The following SERPINB5 variants were observed in gnomAD, a reference collection of about 807,000 sequenced individuals.
SERPINB5 encodes the protein serpin B5.
SERPINB5 carries 27 observed loss-of-function variants against 32.2 expected under a neutral mutation model. The observed-to-expected ratio is 0.84, with a 90% CI of 0.62 to 1.16. SERPINB5 has a LOEUF of 1.16. Ranked by LOEUF, SERPINB5 falls within the 50% of genes most tolerant of loss-of-function variation. The probability of loss-of-function intolerance (pLI) is 0.00; values close to 1 mark genes in which losing one functional copy is unlikely to be tolerated. For missense variants in SERPINB5, 388 were observed against 436.3 expected, an observed-to-expected ratio of 0.89 and a Z score of 0.99; for synonymous variants, 154 against 157.4, an observed-to-expected ratio of 0.98 and a Z score of 0.16.
intron 2 of SERPINB5, among the ~76,000 whole-genome samples, chr18:63,484,801 G>A (rs570154109): frequency 1.5e-5 from 2 of 130,450 alleles, no homozygotes; most frequent in East Asian, 4.7e-4. Flanking sequence ...ATGCTGGAGT[G>A]CAGTGGTGCG....
chr18:63,501,366 C>T (rs1160082141), intron 6 of SERPINB5, among the ~76,000 whole-genome samples: 1 of 152,096 alleles, frequency 6.6e-6, no homozygotes, highest in Non-Finnish European at 1.5e-5. Context: ...CTACAAAGGA[C>T]ACGAACTCAT....
At chr18:63,494,853 C>T (rs2144504928) in intron 5 of SERPINB5, among the ~76,000 whole-genome samples, 1 of 152,318 alleles carries the variant, frequency 6.6e-6, no homozygotes. Flanking sequence ...GCCTTATTCA[C>T]CTCAGTGTCT....
chr18:63,492,947 TTGC>T lies in SERPINB5; in HGVS notation c.425-5_425-3del. Reference sequence around the variant, plus strand: ...TGCTACTTGTGTTTTCCTAAAATTGTTGCAGGCCACTTTGAGAACATTTTAGCT... The same window carrying T: ...TGCTACTTGTGTTTTCCTAAAATTGTAGGCCACTTTGAGAACATTTTAGCT... On this transcript the variant is annotated splice_region_variant and splice_polypyrimidine_tract_variant and intron_variant, in intron 4 of 6. Coordinates refer to ENST00000382771, the MANE Select transcript of SERPINB5 (RefSeq NM_002639.5). The T allele has an allele frequency of 6.2e-7, 1 of 1,605,602 alleles. No homozygotes were observed. The highest frequency in any genetic ancestry group is 8.5e-7 in the Non-Finnish European group (1 of 1,175,280).
intron 1 of SERPINB5, among the ~76,000 whole-genome samples, chr18:63,479,289 C>T (rs1449343915): frequency 6.6e-6 from 1 of 152,194 alleles, no homozygotes; most frequent in East Asian, 1.9e-4. Flanking sequence ...ATCCTACCCA[C>T]AGGACTTTTT....
rs766152603 is a variant in SERPINB5, at chr18:63,486,946, G to A, written c.169G>A (p.Val57Ile). 1.2e-6 allele frequency: 2 copies of A among 1,613,846 alleles called. No homozygotes were observed. The highest frequency in any genetic ancestry group is 8.5e-7 in the Non-Finnish European group (1 of 1,179,870). Residue 57 changes from valine to isoleucine, a missense_variant and splice_region_variant, in exon 3 of 7, where the codon GTT becomes ATT. Physicochemically the swap from Val to Ile is conservative, Grantham distance 29. Transcript: ENST00000382771. ...KGDTANEIGQ[V>I]LHFENVKDVP... ...GGGTAACGGATTTTTCTCTTAACAG[G>A]TTCTTCATTTTGAAAATGTCAAAGA...
chr18:63,481,432 T>G (rs1424186988), intron 1 of SERPINB5, among the ~76,000 whole-genome samples: 1 of 152,240 alleles, frequency 6.6e-6, no homozygotes, highest in South Asian at 2.1e-4. Flanking sequence ...TTATTCTAGT[T>G]TCTCTTGGAG....
rs1325841522 is a variant in SERPINB5 at position 63,504,367 on chromosome 18, C to T, written c.*645C>T. 1 of 152,172 alleles carries T rather than the reference C, an allele frequency of 6.6e-6. No homozygotes were observed. Among genetic ancestry groups the T allele is most frequent in the African/African-American group, 2.4e-5 (1 of 41,424 alleles). The allele number at this position is 152,172 out of a possible 1,614,324, so 9.4% of individuals were successfully genotyped here. A position where few individuals can be genotyped will look rare whatever the true frequency, so the allele number is the denominator to read the frequency against. On this transcript the variant is annotated 3_prime_UTR_variant, in exon 7 of 7. Coordinates refer to ENST00000382771, the MANE Select transcript of SERPINB5 (RefSeq NM_002639.5). ...TGGGGCAGCACCCTATAAATCAACA[C>T]CTTAATATGCTGCAACAAAATGTAG...
intron 2 of SERPINB5, chr18:63,485,507 T>TA (rs1347792604): frequency 6.6e-6 from 1 of 152,206 alleles, no homozygotes; most frequent in African/African-American, 2.4e-5. Flanking sequence ...GATGAAGAAT[T>TA]TACACTTGGG....
chr18:63,494,660 T>C (rs1042174927), intron 5 of SERPINB5, among the ~76,000 whole-genome samples: 1 of 152,224 alleles, frequency 6.6e-6, no homozygotes, highest in African/African-American at 2.4e-5. Flanking sequence ...GGAAAAGCCC[T>C]GCAAGATACA....
chr18:63,500,874 T>G (rs950314713), intron 6 of SERPINB5, among the ~76,000 whole-genome samples: 1 of 151,660 alleles, frequency 6.6e-6, no homozygotes, highest in Admixed American at 6.6e-5. Flanking sequence ...TTCCTGTCCT[T>G]CTTCTTCTTT....
intron 1 of SERPINB5, among the ~76,000 whole-genome samples, chr18:63,478,980 G>A (rs1417082165): frequency 1.3e-5 from 2 of 151,968 alleles, no homozygotes; most frequent in African/African-American, 2.4e-5. Context: ...GGCTGGTCTC[G>A]AACTCCTGAC....
chr18:63,491,949 A>G (rs941947985), intron 4 of SERPINB5, among the ~76,000 whole-genome samples: 3 of 152,220 alleles, frequency 2.0e-5, no homozygotes, highest in Non-Finnish European at 4.4e-5. Context: ...TCCAGGGCAA[A>G]AGTAAAAATG....
intron 5 of SERPINB5, among the ~76,000 whole-genome samples, chr18:63,494,935 A>G (rs946216425): frequency 6.6e-6 from 1 of 152,230 alleles, no homozygotes; most frequent in African/African-American, 2.4e-5. Flanking sequence ...ATCAGTCCCT[A>G]AGGGTCAGTT....
chr18:63,479,462 CCT>C (rs749993768), intron 1 of SERPINB5, among the ~76,000 whole-genome samples: 1 of 152,160 alleles, frequency 6.6e-6, no homozygotes, highest in Non-Finnish European at 1.5e-5. Context: ...TTCACTGGGG[CCT>C]CTCTGAATTG....
intron 5 of SERPINB5, among the ~76,000 whole-genome samples, chr18:63,497,961 T>C (rs1268613588): frequency 6.6e-6 from 1 of 152,220 alleles, no homozygotes; most frequent in Admixed American, 6.5e-5. Context: ...ATTTAGACTT[T>C]GTTAATTAGC....
chr18:63,482,578 C>T (rs2144493672), intron 1 of SERPINB5, among the ~76,000 whole-genome samples: 1 of 152,212 alleles, frequency 6.6e-6, no homozygotes, highest in East Asian at 1.9e-4. Context: ...AAAGGGAAGC[C>T]CTGACTGCCT....
At chr18:63,494,805 C>T (rs879313620) in intron 5 of SERPINB5, among the ~76,000 whole-genome samples, 2 of 152,174 alleles carry the variant, frequency 1.3e-5, no homozygotes, top group Admixed American at 6.5e-5. Context: ...TTACATAGAT[C>T]CCCTACTAGC....
At chr18:63,484,160 G>A (rs558653120) in intron 1 of SERPINB5, among the ~76,000 whole-genome samples, 6 of 152,278 alleles carry the variant, frequency 3.9e-5, no homozygotes, top group East Asian at 1.9e-4. Flanking sequence ...CTGGGCTCCC[G>A]ACAATGGCCA....
chr18:63,490,820 T>G (rs1022535229), intron 4 of SERPINB5: 5 of 152,184 alleles, frequency 3.3e-5, no homozygotes, highest in Non-Finnish European at 5.9e-5. Flanking sequence ...TTTTTAAAAT[T>G]GTATTATATT....
Sources: allele counts gnomAD v4.1 joint callset (sites outside exome capture counted in the v4.1 genomes callset), GRCh38; gene constraint gnomAD v4.1.1; transcripts MANE v1.5; gene names NCBI Gene and HGNC (gene_info 2026-07-23, HGNC 2026-07-21).